CIMIP2A: variants seen among roughly 807,000 people sequenced by gnomAD.
The protein encoded by CIMIP2A is ciliary microtubule inner protein 2A, also known as family with sequence similarity 166 member A.
the CIMIP2A span, chr9:137,251,152 C>A: frequency 2.8e-6 from 2 of 718,974 alleles, no homozygotes; most frequent in Non-Finnish European, 5.0e-6. Flanking sequence ...AGGGGCCCAC[C>A]AGGGGTCGGG....
At chr9:137,252,705 T>C in the CIMIP2A span, 1 of 1,552,122 alleles carries the variant, frequency 6.4e-7, no homozygotes. Context: ...CGGCCCGCCT[T>C]CCCCGCCTTC....
the CIMIP2A span, chr9:137,247,549 C>G: frequency 9.8e-7 from 1 of 1,017,276 alleles, no homozygotes; most frequent in South Asian, 1.4e-5. Flanking sequence ...CTTCAGTTTC[C>G]TGGGGTCCAG....
chr9:137,249,665 C>T, the CIMIP2A span, among the ~76,000 whole-genome samples: 10 of 152,288 alleles, frequency 6.6e-5, no homozygotes, highest in South Asian at 6.2e-4. Flanking sequence ...AGGAAGCTTC[C>T]GTAAAATCCC....
chr9:137,253,477 T>C, the CIMIP2A span: 5 of 1,432,758 alleles, frequency 3.5e-6, no homozygotes, highest in Non-Finnish European at 2.7e-6. Context: ...GCTGTTGGTT[T>C]TCCCGAGCTC....
At chr9:137,245,737 G>C in the CIMIP2A span, 1 of 1,600,976 alleles carries the variant, frequency 6.2e-7, no homozygotes, top group Non-Finnish European at 8.5e-7. Context: ...TTTGGACATG[G>C]GGGACAGCAC....
chr9:137,251,799 C>A, the CIMIP2A span: 1 of 1,597,222 alleles, frequency 6.3e-7, no homozygotes, highest in Non-Finnish European at 8.5e-7. Flanking sequence ...TGAGACACAG[C>A]CCCCAAAGAT....
the CIMIP2A span, chr9:137,244,190 G>A: frequency 6.2e-7 from 1 of 1,613,890 alleles, no homozygotes; most frequent in Non-Finnish European, 8.5e-7. Flanking sequence ...ACCCCATGTA[G>A]AAGGGGATCA....
At chr9:137,252,181 C>T in the CIMIP2A span, 113 of 1,574,776 alleles carry the variant, frequency 7.2e-5, no homozygotes, top group Non-Finnish European at 9.1e-5. Context: ...CTGTCCCTCA[C>T]CCTGGGAATG....
the CIMIP2A span, chr9:137,251,708 T>G: frequency 1.9e-6 from 3 of 1,553,466 alleles, no homozygotes; most frequent in African/African-American, 4.1e-5. Flanking sequence ...GGCCGGGGGC[T>G]GAGACAGTGG....
the CIMIP2A span, chr9:137,252,283 G>C: frequency 7.4e-7 from 1 of 1,349,104 alleles, no homozygotes; most frequent in Non-Finnish European, 1.0e-6. Context: ...CTGTAAGGAG[G>C]CCTGGAGAGA....
the CIMIP2A span, chr9:137,247,554 G>T: frequency 1.9e-6 from 2 of 1,058,578 alleles, no homozygotes; most frequent in Non-Finnish European, 2.8e-6. Flanking sequence ...GTTTCCTGGG[G>T]TCCAGCTCTG....
At chr9:137,243,648 C>G in the CIMIP2A span, 2 of 1,614,016 alleles carry the variant, frequency 1.2e-6, no homozygotes, top group South Asian at 2.2e-5. Flanking sequence ...TGTGCACTTG[C>G]TGTTTTCCCT....
the CIMIP2A span, chr9:137,245,816 C>T: frequency 6.6e-7 from 1 of 1,511,732 alleles, no homozygotes; most frequent in South Asian, 1.3e-5. Context: ...TAGGTGTTCC[C>T]CACCTGGTAG....
the CIMIP2A span, among the ~76,000 whole-genome samples, chr9:137,254,368 T>C: frequency 6.8e-6 from 1 of 147,478 alleles, no homozygotes; most frequent in African/African-American, 2.5e-5. Flanking sequence ...GTGGTAGCCA[T>C]GGCCTTGGGA....
At chr9:137,245,185 G>T in the CIMIP2A span, 3 of 1,032,212 alleles carry the variant, frequency 2.9e-6, no homozygotes, top group Non-Finnish European at 4.5e-6. Context: ...CGGCGGGCGG[G>T]GGGTGGGTAC....
At chr9:137,252,337 G>C in the CIMIP2A span, 2 of 1,385,170 alleles carry the variant, frequency 1.4e-6, no homozygotes, top group South Asian at 1.3e-5. Flanking sequence ...TGAAGACAAG[G>C]GTTCAGGGGC....
At chr9:137,245,481 C>G in the CIMIP2A span, 1 of 1,613,856 alleles carries the variant, frequency 6.2e-7, no homozygotes, top group Non-Finnish European at 8.5e-7. Flanking sequence ...TGTTCTCTAC[C>G]CCTGGCGGCT....
chr9:137,244,241 TC>T, the CIMIP2A span: 13 of 1,613,866 alleles, frequency 8.1e-6, no homozygotes, highest in South Asian at 1.1e-5. Context: ...GCCAGTGTGT[TC>T]CAGGCAGCTT....
At chr9:137,252,174 T>G in the CIMIP2A span, 2 of 1,580,130 alleles carry the variant, frequency 1.3e-6, no homozygotes, top group Non-Finnish European at 1.7e-6. Context: ...ACCGGGCCTG[T>G]CCCTCACCCT....
Sources: allele counts gnomAD v4.1 joint callset (sites outside exome capture counted in the v4.1 genomes callset), GRCh38; gene constraint gnomAD v4.1.1; transcripts MANE v1.5; gene names NCBI Gene and HGNC (gene_info 2026-07-23, HGNC 2026-07-21).